Variants in CSMD1 observed in about 807,000 individuals in gnomAD.
CSMD1 encodes CUB and Sushi multiple domains 1, also known as CUB and sushi domain-containing protein 1.
CSMD1 carries 213 observed loss-of-function variants against 417.5 expected under a neutral mutation model. That is an observed-to-expected ratio of 0.51 (90% CI 0.46 to 0.57). The LOEUF (loss-of-function observed/expected upper bound fraction) is 0.57, where lower values mean the gene tolerates loss of function less well. Among genes scored for constraint, CSMD1 ranks in the 20% least tolerant of loss-of-function variants. The pLI, the probability that CSMD1 is intolerant of heterozygous loss-of-function variation, is 0.00. For synonymous variants in CSMD1, 2,862 were observed against 1,736.8 expected (o/e 1.65, Z -16.11); for missense variants, 6,923 against 4,529.7 (o/e 1.53, Z -15.17).
chr8:2,943,616 G>C (rs1229191565), intron 68 of CSMD1, among the ~76,000 whole-genome samples: 3 of 152,238 alleles, frequency 2.0e-5, no homozygotes, highest in South Asian at 4.1e-4. Flanking sequence ...GGACTATGGA[G>C]TGTCTCATGG....
At chr8:3,330,704 T>C (rs1183476144) in intron 23 of CSMD1, among the ~76,000 whole-genome samples, 1 of 151,766 alleles carries the variant, frequency 6.6e-6, no homozygotes, top group Non-Finnish European at 1.5e-5. Context: ...GTGACATGAG[T>C]TTACCCAAAT....
intron 1 of CSMD1, among the ~76,000 whole-genome samples, chr8:4,757,370 G>C (rs1811733850): frequency 6.6e-6 from 1 of 152,168 alleles, no homozygotes; most frequent in African/African-American, 2.4e-5. Context: ...CAGTCTTTAA[G>C]ATGATTCAAT....
intron 3 of CSMD1, among the ~76,000 whole-genome samples, chr8:4,417,013 A>C (rs1174577660): frequency 6.6e-6 from 1 of 152,074 alleles, no homozygotes; most frequent in Non-Finnish European, 1.5e-5. Context: ...AATTAAGACT[A>C]ATGTCCAAGT....
chr8:4,632,022 T>A (rs1245407373), intron 2 of CSMD1, among the ~76,000 whole-genome samples: 40 of 152,228 alleles, frequency 2.6e-4, no homozygotes, highest in Admixed American at 2.6e-3. Context: ...TGGAAATAGA[T>A]GTCAACGTCA....
At chr8:3,943,077 T>C (rs1388140465) in intron 5 of CSMD1, among the ~76,000 whole-genome samples, 1 of 152,110 alleles carries the variant, frequency 6.6e-6, no homozygotes, top group African/African-American at 2.4e-5. Flanking sequence ...AATCTCTCTA[T>C]TACCCCACAT....
Position 3,252,447 on chromosome 8 carries a change from T to C in CSMD1, c.4154-22216A>G, listed in dbSNP as rs1045185411. Among the ~76,000 whole-genome samples, 10 of 152,338 alleles carry C rather than the reference T, an allele frequency of 6.6e-5. No individual in the cohort carries two copies. In the East Asian group the frequency reaches 1.9e-3, roughly 29 times the overall value. The stretch of plus-strand genomic sequence containing the variant: ...ATGGTGGATAAGCTTTTTGATATAT[T>C]GTTGGATTCACTTTGCCAGTATTTT... On this transcript the variant is annotated intron_variant, in intron 26 of 69. Transcript: ENST00000635120.
intron 5 of CSMD1, among the ~76,000 whole-genome samples, chr8:3,883,334 G>T (rs570248370): frequency 6.6e-6 from 1 of 152,034 alleles, no homozygotes; most frequent in Non-Finnish European, 1.5e-5. Context: ...CAATGTCCTG[G>T]ACACTAAAAA....
chr8:4,613,985 A>C (rs1801331725), intron 2 of CSMD1, among the ~76,000 whole-genome samples: 1 of 152,158 alleles, frequency 6.6e-6, no homozygotes, highest in South Asian at 2.1e-4. Flanking sequence ...ATGGAAAATA[A>C]AGATTTTACA....
At chr8:3,359,075 C>G (rs920721277) in intron 21 of CSMD1, 77 bp downstream of exon 21, 3 of 1,454,290 alleles carry the variant, frequency 2.1e-6, no homozygotes, top group East Asian at 2.3e-5. Context: ...CCACCCGACC[C>G]CGACCACCCT....
intron 1 of CSMD1, among the ~76,000 whole-genome samples, chr8:4,663,980 C>T (rs905332221): frequency 6.6e-6 from 1 of 152,090 alleles, no homozygotes; most frequent in Non-Finnish European, 1.5e-5. Context: ...GGAAGTGGCT[C>T]CTGTTGTTTC....
chr8:4,550,546 A>G (rs1013771718), intron 2 of CSMD1, among the ~76,000 whole-genome samples: 1 of 152,166 alleles, frequency 6.6e-6, no homozygotes, highest in Non-Finnish European at 1.5e-5. Flanking sequence ...TTTGCAGGAT[A>G]AAGTTTATTT....
At chr8:3,671,560 C>CATATATATATAT (rs752837903) in intron 7 of CSMD1, among the ~76,000 whole-genome samples, 1 of 6,542 alleles carries the variant, frequency 1.5e-4, no homozygotes, top group Non-Finnish European at 3.4e-4. Context: ...TATATATGAT[C>CATATATATATAT]ATATATATAT....
At chr8:4,761,484 T>G (rs1812040734) in intron 1 of CSMD1, among the ~76,000 whole-genome samples, 1 of 152,134 alleles carries the variant, frequency 6.6e-6, no homozygotes. Flanking sequence ...GTGTGAATAC[T>G]AAACATTTAA....
intron 1 of CSMD1, among the ~76,000 whole-genome samples, chr8:4,649,016 A>T (rs1803713897): frequency 6.6e-6 from 1 of 152,186 alleles, no homozygotes; most frequent in South Asian, 2.1e-4. Context: ...TACTGCGGTT[A>T]TATATTCTCT....
At chr8:3,686,434 G>A (rs1799948806) in intron 7 of CSMD1, among the ~76,000 whole-genome samples, 1 of 151,992 alleles carries the variant, frequency 6.6e-6, no homozygotes, top group Admixed American at 6.5e-5. Context: ...CTGGTGGATG[G>A]GTTAAGAATA....
chr8:3,267,442 G>C (rs1364785414), intron 26 of CSMD1, among the ~76,000 whole-genome samples: 1 of 152,214 alleles, frequency 6.6e-6, no homozygotes, highest in Non-Finnish European at 1.5e-5. Context: ...GCAGTTGCGT[G>C]GTTGGTGGCC....
chr8:3,808,037 T>G (rs137876003), intron 5 of CSMD1, among the ~76,000 whole-genome samples: 35 of 152,318 alleles, frequency 2.3e-4, no homozygotes, highest in Non-Finnish European at 4.4e-4. Context: ...ATTTTTAAAT[T>G]GCCTTTTCTA....
chr8:4,255,174 T>C (rs1455149903), intron 3 of CSMD1, among the ~76,000 whole-genome samples: 2 of 152,210 alleles, frequency 1.3e-5, no homozygotes. Flanking sequence ...TATCCCATGC[T>C]GGAAAGAGCA....
chr8:3,429,215 A>G (rs1461489247), intron 12 of CSMD1, among the ~76,000 whole-genome samples: 1 of 139,654 alleles, frequency 7.2e-6, no homozygotes, highest in Non-Finnish European at 1.7e-5. Context: ...GAAACGCTGA[A>G]CGTTGGAGAT....
Sources: gnomAD v4.1 joint callset for allele counts (sites outside exome capture counted in the v4.1 genomes callset) on GRCh38, gnomAD v4.1.1 for gene constraint, MANE v1.5 for transcripts, NCBI Gene and HGNC (gene_info 2026-07-23, HGNC 2026-07-21) for gene names.